Variants in NOXRED1 observed in about 807,000 individuals in gnomAD.
NOXRED1 encodes NADP-dependent oxidoreductase domain-containing protein 1.
NOXRED1 carries 20 observed loss-of-function variants against 30.4 expected under a neutral mutation model. The ratio of observed to expected loss-of-function variants is 0.66; its 90% CI spans 0.46 to 0.96. The LOEUF is 0.96. NOXRED1 is among the 40% of genes least tolerant of loss of function. NOXRED1 has a pLI of 0.00. For missense variants in NOXRED1, 374 were observed against 428.0 expected (o/e 0.87, Z 1.11); for synonymous variants, 155 against 168.0 (o/e 0.92, Z 0.60).
intron 2 of NOXRED1, among the ~76,000 whole-genome samples, chr14:77,412,831 G>A (rs754738105): frequency 2.2e-4 from 34 of 151,294 alleles, no homozygotes; most frequent in Admixed American, 2.6e-4. Flanking sequence ...TAAACGATAC[G>A]AGAATATGCT....
rs780712348 is a variant in NOXRED1, at chr14:77,422,828, C to A, written c.62G>T (p.Arg21Leu). ...QFEYGVPEED[R>L]IWLYLQGRSR... ...ACGGCCCTGCAAATACAGCCAGATA[C>A]GATCTTCCTCTGGAACCCCATACTC... The change falls in exon 1 of 6, where the codon CGT becomes CTT. Residue 21 changes from arginine to leucine, a missense_variant. Arg to Leu is a moderately radical substitution (Grantham distance 102). Coordinates refer to ENST00000380835, the MANE Select transcript of NOXRED1 (RefSeq NM_001113475.3). 4 of 1,613,786 alleles carry A rather than the reference C, an allele frequency of 2.5e-6. No individual in the cohort carries two copies. Among genetic ancestry groups the A allele is most frequent in the Non-Finnish European group, 1.7e-6 (2 of 1,179,728 alleles).
chr14:77,424,526 T>G (rs1264235317), upstream of NOXRED1, among the ~76,000 whole-genome samples: 1 of 152,134 alleles, frequency 6.6e-6, no homozygotes, highest in African/African-American at 2.4e-5. Context: ...ATGAGGGGCA[T>G]GGACGTTCTC....
chr14:77,404,342 A>C (rs959297964), intron 5 of NOXRED1, among the ~76,000 whole-genome samples: 4 of 152,236 alleles, frequency 2.6e-5, no homozygotes, highest in Admixed American at 1.3e-4. Context: ...GGAATACGAA[A>C]GATGAGGAAG....
chr14:77,405,266 A>G (rs1182706328), intron 5 of NOXRED1, among the ~76,000 whole-genome samples: 2 of 152,188 alleles, frequency 1.3e-5, no homozygotes, highest in Non-Finnish European at 2.9e-5. Flanking sequence ...ATGGTGGCAC[A>G]TGCCTGTAAT....
Position 77,403,677 on chromosome 14 carries a change from C to CA in NOXRED1, c.905+2235dup, listed in dbSNP as rs573066129. ...TCTATCAAAAAAATAAAAATAAAAA[C>CA]AAAAAAGTTAATGGAAATAACAGGC... On this transcript the variant is annotated intron_variant, in intron 5 of 5. Coordinates refer to ENST00000380835, the MANE Select transcript of NOXRED1 (RefSeq NM_001113475.3). Among the ~76,000 whole-genome samples the CA allele has an allele frequency of 2.7e-3, 405 of 151,902 alleles. 2 individuals are homozygous for CA. Among genetic ancestry groups the CA allele is most frequent in the Middle Eastern group, 0.017 (5 of 294 alleles).
intron 5 of NOXRED1, 88 bp downstream of exon 5, chr14:77,405,825 G>A: frequency 1.3e-6 from 1 of 775,482 alleles, no homozygotes; most frequent in East Asian, 2.5e-5. Flanking sequence ...AATGTTTAAA[G>A]AGAACATGAA....
intron 1 of NOXRED1, among the ~76,000 whole-genome samples, chr14:77,415,585 T>TATAGATAGATAGATAGATAG (rs35339836): frequency 6.9e-6 from 1 of 145,422 alleles, no homozygotes; most frequent in Non-Finnish European, 1.5e-5. Context: ...AGAAAATACA[T>TATAGATAGATAGATAGATAG]ATAGATAGAT....
intron 2 of NOXRED1, among the ~76,000 whole-genome samples, chr14:77,410,038 A>G (rs1894603696): frequency 6.6e-6 from 1 of 151,966 alleles, no homozygotes; most frequent in South Asian, 2.1e-4. Context: ...CCTGGCCTCA[A>G]GTGATGCAGC....
intron 2 of NOXRED1, among the ~76,000 whole-genome samples, chr14:77,412,183 A>G (rs1169975774): frequency 6.6e-6 from 1 of 152,078 alleles, no homozygotes; most frequent in Non-Finnish European, 1.5e-5. Flanking sequence ...AAAATTATGT[A>G]CAAGGAAGTT....
upstream of NOXRED1, among the ~76,000 whole-genome samples, chr14:77,424,203 C>T (rs1895070616): frequency 6.6e-6 from 1 of 152,216 alleles, no homozygotes; most frequent in Non-Finnish European, 1.5e-5. Context: ...GTAATCGCAG[C>T]ACTTTGGGAG....
intron 4 of NOXRED1, 122 bp downstream of exon 4, chr14:77,406,590 TACACACACACAC>T (rs56942412): frequency 0.35 from 264,451 of 746,478 alleles, 19,381 homozygotes; most frequent in East Asian, 0.52. Flanking sequence ...CCTTGTGCCT[TACACACACACAC>T]ACACACACAC....
At chr14:77,406,903 C>A (rs1462007706) in intron 3 of NOXRED1, 28 bp from the exon 4 acceptor site, 1 of 1,599,318 alleles carries the variant, frequency 6.3e-7, no homozygotes, top group Admixed American at 1.7e-5. Flanking sequence ...ACAGGGAGTG[C>A]AATGCCAGGA....
At chr14:77,419,446 C>CTTT (rs35341872) in intron 1 of NOXRED1, among the ~76,000 whole-genome samples, 18 of 91,526 alleles carry the variant, frequency 2.0e-4, no homozygotes, top group African/African-American at 3.7e-4. Flanking sequence ...TTTCTTTTTC[C>CTTT]TTTTTTTTTT....
intron 1 of NOXRED1, among the ~76,000 whole-genome samples, chr14:77,421,438 T>C (rs1283214442): frequency 6.6e-6 from 1 of 152,214 alleles, no homozygotes; most frequent in Non-Finnish European, 1.5e-5. Context: ...TGCATTCCTT[T>C]CCTACGATAC....
intron 1 of NOXRED1, among the ~76,000 whole-genome samples, chr14:77,418,470 T>C (rs948836921): frequency 6.6e-6 from 1 of 151,106 alleles, no homozygotes; most frequent in Non-Finnish European, 1.5e-5. Flanking sequence ...TTATACTTAT[T>C]GATATTTATA....
In NOXRED1 at chr14:77,423,004, AAG is replaced by A; in HGVS notation, c.-117_-116del. The A allele has an allele frequency of 1.2e-6, 1 of 817,702 alleles. No homozygotes were observed. The highest frequency in any genetic ancestry group is 2.0e-6 in the Non-Finnish European group (1 of 505,836). The allele number at this position is 817,702 out of a possible 1,614,324, so 50.7% of individuals were successfully genotyped here. On this transcript the variant is annotated 5_prime_UTR_variant, in exon 1 of 6. An upstream open reading frame in the 5' UTR gains an earlier in-frame stop. Coordinates refer to ENST00000380835, the MANE Select transcript of NOXRED1 (RefSeq NM_001113475.3). ...ATGATGGTGTGTGTGCCCAGGTCAC[AAG>A]CACTCATGATGATGGGCTTCAGCAC...
At chr14:77,424,099 C>G (rs1465507716), upstream of NOXRED1, among the ~76,000 whole-genome samples, 1 of 152,202 alleles carries the variant, frequency 6.6e-6, no homozygotes, top group African/African-American at 2.4e-5. Flanking sequence ...CCTTTTGTGT[C>G]TGGCTTCTCT....
chr14:77,407,555 G>A lies in NOXRED1; in HGVS notation c.440C>T (p.Ser147Phe), dbSNP rs779633801. The A allele has an allele frequency of 3.7e-6, 6 of 1,613,886 alleles. No individual in the cohort carries two copies. In the Admixed American group the frequency reaches 6.7e-5, roughly 18 times the overall value. ...ADVIFLCCLPSQLPNICVEIY... is the reference protein window; with the variant it reads ...ADVIFLCCLPFQLPNICVEIY... The stretch of plus-strand genomic sequence containing the variant: ...TTCTACGCAGATATTAGGCAGCTGA[G>A]ACGGCAAGCAGCAGAGGAATATCAC... Residue 147 changes from serine (S) to phenylalanine (F), a missense_variant, in exon 3 of 6, where the codon TCT becomes TTT. By Grantham distance (155) the Ser-to-Phe change is radical. Transcript: ENST00000380835.
chr14:77,415,897 G>A (rs891903826), intron 1 of NOXRED1, among the ~76,000 whole-genome samples: 2 of 151,856 alleles, frequency 1.3e-5, no homozygotes, highest in Admixed American at 1.3e-4. Context: ...TGTATTTTTA[G>A]TAGAGATGAG....
Sources: gnomAD v4.1 joint callset for allele counts (sites outside exome capture counted in the v4.1 genomes callset) on GRCh38, gnomAD v4.1.1 for gene constraint, MANE v1.5 for transcripts, NCBI Gene and HGNC (gene_info 2026-07-23, HGNC 2026-07-21) for gene names.